The following HEXD variants were observed in gnomAD, a reference collection of about 807,000 sequenced individuals.
HEXD encodes the protein N-acetyl-beta-galactosaminidase.
In HEXD, 47 loss-of-function variants were observed where a neutral mutation model predicts 54.2. The ratio of observed to expected loss-of-function variants is 0.87; its 90% CI spans 0.69 to 1.11. The LOEUF (loss-of-function observed/expected upper bound fraction) is 1.11. Ranked by LOEUF, HEXD falls within the 50% of genes least tolerant of loss-of-function variation. The probability of loss-of-function intolerance (pLI) is 0.00; values close to 1 mark genes in which losing one functional copy is unlikely to be tolerated. For synonymous variants in HEXD, 293 were observed against 287.6 expected, an observed-to-expected ratio of 1.02 and a Z score of -0.19; for missense variants, 576 against 649.2, an observed-to-expected ratio of 0.89 and a Z score of 1.23.
chr17:82,433,645 TG>T lies in HEXD; in HGVS notation c.283-12del, dbSNP rs1248386364. 1.5e-5 allele frequency: 23 copies of T among 1,548,562 alleles called. No individual in the cohort carries two copies. Among genetic ancestry groups the T allele is most frequent in the Non-Finnish European group, 2.0e-5 (23 of 1,154,354 alleles). On this transcript the variant is annotated splice_polypyrimidine_tract_variant and intron_variant, in intron 4 of 12. Transcript: ENST00000327949. ...CCTCCGCCCCCAACGCGAACTTCTC[TG>T]TCTCTCCGCAGTTTGTGCTGAAGCA...
chr17:82,424,059 T>C (rs548567868), intron 2 of HEXD, among the ~76,000 whole-genome samples: 10 of 151,922 alleles, frequency 6.6e-5, no homozygotes, highest in African/African-American at 2.4e-4. Flanking sequence ...CCCCTCAGCC[T>C]GGCTGCCTTG....
chr17:82,441,321 T>C, intron 11 of HEXD, 55 bp downstream of exon 11: 18 of 907,554 alleles, frequency 2.0e-5, no homozygotes, highest in Non-Finnish European at 2.7e-5. Context: ...ATGGGGCGGG[T>C]GCAGGTGAGG....
At chr17:82,430,962 G>T (rs1157460235) in intron 4 of HEXD, among the ~76,000 whole-genome samples, 1 of 151,970 alleles carries the variant, frequency 6.6e-6, no homozygotes, top group African/African-American at 2.4e-5. Flanking sequence ...TCCATTTTTA[G>T]TTTGGTATTT....
chr17:82,440,936 A>G, intron 9 of HEXD, 61 bp from the exon 10 acceptor site: 2 of 1,582,274 alleles, frequency 1.3e-6, no homozygotes, highest in Non-Finnish European at 1.7e-6. Flanking sequence ...GCAGGTCCCA[A>G]TGTAGCCCCC....
At position 82,418,363 on chromosome 17, in the gene HEXD, T is replaced by G. The variant is rs1247746789; in HGVS notation, c.-429T>G. 4 of 1,094,116 alleles carry G rather than the reference T, an allele frequency of 3.7e-6. No individual in the cohort carries two copies. The highest frequency in any genetic ancestry group is 4.8e-6 in the Non-Finnish European group (4 of 829,174). 67.8% of individuals were successfully genotyped at this position (1,094,116 alleles called of 1,614,324 possible). A position where few individuals can be genotyped will look rare whatever the true frequency, so the allele number is the denominator to read the frequency against. On this transcript the variant is annotated 5_prime_UTR_variant, in exon 1 of 13. The change abolishes an upstream ATG in the 5' untranslated region. Transcript: ENST00000327949. ...ATCAGCCCCAGTCCCGCCCACTCCATGGCCCTGTCCGCCGCCGCAGCGCGC... is the reference window on the plus strand; with the variant it reads ...ATCAGCCCCAGTCCCGCCCACTCCAGGGCCCTGTCCGCCGCCGCAGCGCGC...
At chr17:82,437,828 G>A (rs1032002267) in intron 8 of HEXD, among the ~76,000 whole-genome samples, 5 of 152,202 alleles carry the variant, frequency 3.3e-5, no homozygotes, top group Non-Finnish European at 5.9e-5. Flanking sequence ...TGGAGCCCTC[G>A]GAAGGCCAGC....
At chr17:82,440,173 G>C (rs1172038461) in intron 9 of HEXD, 1 of 1,290,764 alleles carries the variant, frequency 7.7e-7, no homozygotes, top group East Asian at 5.5e-5. Flanking sequence ...GGAACCCCTT[G>C]GGGTCGGCAG....
chr17:82,441,275 G>A lies in HEXD; in HGVS notation c.1163+9G>A. The A allele has an allele frequency of 6.2e-7, 1 of 1,609,594 alleles. No individual in the cohort carries two copies. Among genetic ancestry groups the A allele is most frequent in the Non-Finnish European group, 8.5e-7 (1 of 1,178,848 alleles). ...CTGCTGGAGGGCAACAGGTGAGCGTGTGGGTTAGGGGCAGGTGTGGGTGAG... is the reference window on the plus strand; with the variant it reads ...CTGCTGGAGGGCAACAGGTGAGCGTATGGGTTAGGGGCAGGTGTGGGTGAG... On this transcript the variant is annotated intron_variant, in intron 11 of 12. Transcript: ENST00000327949.
At position 82,439,857 on chromosome 17, in the gene HEXD, C is replaced by T; in HGVS notation, c.982+144C>T. The T allele has an allele frequency of 3.9e-6, 6 of 1,544,566 alleles. No homozygotes were observed. The South Asian group carries it at 7.0e-5, about 18-fold the overall frequency. ...GGAGGATGGTCTCACCGCCCCAGCT[C>T]AGCCACCCACCTGCCCTGAAGTCCA... On this transcript the variant is annotated intron_variant, in intron 9 of 12. Transcript: ENST00000327949.
At chr17:82,439,736 A>C (rs2053873985) in intron 9 of HEXD, 23 bp downstream of exon 9, 1 of 1,598,648 alleles carries the variant, frequency 6.3e-7, no homozygotes, top group Admixed American at 1.7e-5. Flanking sequence ...TGGCCACCCC[A>C]AGCCCCACCG....
In HEXD at chr17:82,434,558, C is replaced by T. The variant is rs577433912; in HGVS notation, c.447+736C>T. Among the ~76,000 whole-genome samples the T allele has an allele frequency of 2.0e-5, 3 of 152,340 alleles. No homozygotes were observed. Among genetic ancestry groups the T allele is most frequent in the African/African-American group, 7.2e-5 (3 of 41,574 alleles). Reference sequence around the variant, plus strand: ...CATTCTAACCATTTTAAAATATAGGCTGGGTGTGGTGGCTCACGCCTGTAA... The same window carrying T: ...CATTCTAACCATTTTAAAATATAGGTTGGGTGTGGTGGCTCACGCCTGTAA... On this transcript the variant is annotated intron_variant, in intron 5 of 12. Coordinates refer to ENST00000327949, the MANE Select transcript of HEXD (RefSeq NM_001330542.2). This position sits in a 1 kb window ranked among gnomAD's most constrained non-coding sequence, Gnocchi z 4.5.
At chr17:82,422,982 G>A (rs1419620545) in intron 2 of HEXD, among the ~76,000 whole-genome samples, 7 of 152,070 alleles carry the variant, frequency 4.6e-5, no homozygotes, top group Admixed American at 2.0e-4. Context: ...GCTTGAACCC[G>A]GGAGGCGGAG....
chr17:82,437,691 T>C (rs901802833), intron 8 of HEXD, among the ~76,000 whole-genome samples: 1 of 152,156 alleles, frequency 6.6e-6, no homozygotes, highest in African/African-American at 2.4e-5. Flanking sequence ...TTTCAGGATT[T>C]CACTCTGTTG....
At chr17:82,440,083 C>T (rs2053886796) in intron 9 of HEXD, 2 of 1,299,956 alleles carry the variant, frequency 1.5e-6, no homozygotes, top group Admixed American at 2.3e-5. Flanking sequence ...CCCTGGAAGG[C>T]CCCGCACCCT....
rs201728757 is a variant in HEXD, at chr17:82,435,791, G to A, written c.550G>A (p.Gly184Ser). The change falls in exon 6 of 13, where the codon GGC (glycine) becomes AGC (serine). Residue 184 changes from glycine to serine, a missense_variant. Gly to Ser is a moderately conservative substitution (Grantham distance 56). Coordinates refer to ENST00000327949, the MANE Select transcript of HEXD (RefSeq NM_001330542.2). ...GTCACACATGCGGGCGGTGGCCAGCGGCGTGAAGGCCCGGCGCCCCAGCGT... is the reference window on the plus strand; with the variant it reads ...GTCACACATGCGGGCGGTGGCCAGCAGCGTGAAGGCCCGGCGCCCCAGCGT... ...CLSHMRAVAS[G>S]VKARRPSVTP... 812 of 1,612,702 alleles carry A rather than the reference G, an allele frequency of 5.0e-4. No homozygotes were observed. The highest frequency in any genetic ancestry group is 6.4e-4 in the Non-Finnish European group (756 of 1,179,884).
chr17:82,428,737 G>T, intron 4 of HEXD, 92 bp downstream of exon 4: 1 of 1,085,366 alleles, frequency 9.2e-7, no homozygotes, highest in Non-Finnish European at 1.4e-6. Flanking sequence ...TGGGTGCAGC[G>T]GGCCCATGGT....
At position 82,431,663 on chromosome 17, in the gene HEXD, C is replaced by T. The variant is rs146814149; in HGVS notation, c.283-1995C>T. Among the ~76,000 whole-genome samples, 7 of 152,160 alleles carry T rather than the reference C, an allele frequency of 4.6e-5. No individual in the cohort carries two copies. In the East Asian group the frequency reaches 7.7e-4, roughly 17 times the overall value. On this transcript the variant is annotated intron_variant, in intron 4 of 12. Coordinates refer to ENST00000327949, the MANE Select transcript of HEXD (RefSeq NM_001330542.2). ...AACTCCTGACCTGAAGTGATCTGCCCGCTTCGGCCTCCCAAAGTGCTGGGA... is the reference window on the plus strand; with the variant it reads ...AACTCCTGACCTGAAGTGATCTGCCTGCTTCGGCCTCCCAAAGTGCTGGGA...
chr17:82,435,648 C>T, intron 5 of HEXD, 41 bp from the exon 6 acceptor site: 1 of 1,578,252 alleles, frequency 6.3e-7, no homozygotes, highest in Non-Finnish European at 8.7e-7. Flanking sequence ...CACCGGTGTG[C>T]ACGGCTGCCA....
chr17:82,426,774 G>GA (rs1288229255), intron 3 of HEXD: 13 of 149,738 alleles, frequency 8.7e-5, no homozygotes, highest in Non-Finnish European at 1.9e-4. Context: ...GGATCATGAA[G>GA]TCAGGAGTTT....
Sources: gnomAD v4.1 joint callset for allele counts (sites outside exome capture counted in the v4.1 genomes callset) on GRCh38, gnomAD v4.1.1 for gene constraint, Gnocchi (gnomAD v3.1) non-coding constraint, MANE v1.5 for transcripts, NCBI Gene and HGNC (gene_info 2026-07-23, HGNC 2026-07-21) for gene names.